CERS6: variants seen among roughly 807,000 people sequenced by gnomAD.
The protein encoded by CERS6 is LAG1 homolog, ceramide synthase 6.
A neutral mutation model predicts 56.8 loss-of-function variants in CERS6; 26 were observed. That is an observed-to-expected ratio of 0.46 (90% CI 0.34 to 0.63). CERS6 has a LOEUF of 0.63. Ranked by LOEUF, CERS6 falls within the 30% of genes least tolerant of loss-of-function variation. CERS6 has a pLI of 0.01. For missense variants in CERS6, 415 were observed against 467.5 expected (o/e 0.89, Z 1.04); for synonymous variants, 164 against 173.3 (o/e 0.95, Z 0.42).
Position 168,491,414 on chromosome 2 carries a change from A to C in CERS6, c.170+34796A>C, listed in dbSNP as rs1308595853. On this transcript the variant is annotated intron_variant, in intron 1 of 9. Transcript: ENST00000305747. ...ATATTTGACTTTATATTTAGGAGTC[A>C]GCAAAACAACTGTAATCCTGCCACT... is the stretch of plus-strand genomic sequence containing the variant. Among the ~76,000 whole-genome samples the C allele has an allele frequency of 2.0e-5, 3 of 152,320 alleles. No individual in the cohort carries two copies. In the East Asian group the frequency reaches 5.8e-4, roughly 29 times the overall value.
At chr2:168,509,256 A>G (rs1484341772) in intron 1 of CERS6, among the ~76,000 whole-genome samples, 1 of 152,242 alleles carries the variant, frequency 6.6e-6, no homozygotes, top group Non-Finnish European at 1.5e-5. Context: ...ATTACTTTTC[A>G]TAACATGACA....
At chr2:168,715,266 C>A in intron 7 of CERS6, 137 bp downstream of exon 7, 1 of 590,588 alleles carries the variant, frequency 1.7e-6, no homozygotes, top group Non-Finnish European at 2.7e-6. Context: ...CAGAGTGTTT[C>A]TTTGTAGGTT....
In CERS6 at chr2:168,526,372, C is replaced by T. The variant is rs140141070; in HGVS notation, c.171-21224C>T. Among the ~76,000 whole-genome samples, 634 of 152,200 alleles carry T rather than the reference C, an allele frequency of 4.2e-3. 7 individuals carry two copies. Among genetic ancestry groups the T allele is most frequent in the South Asian group, 0.018 (87 of 4,822 alleles). The stretch of plus-strand genomic sequence containing the variant: ...TTGAGGGGATATTCTCCTAGAAGCA[C>T]AAGCAGTTCATAGACCAACTGGAAG... On this transcript the variant is annotated intron_variant, in intron 1 of 9. Transcript: ENST00000305747.
intron 4 of CERS6, among the ~76,000 whole-genome samples, chr2:168,689,006 C>T (rs1686428958): frequency 6.6e-6 from 1 of 152,110 alleles, no homozygotes; most frequent in African/African-American, 2.4e-5. Flanking sequence ...TATACCTTGC[C>T]CTCCTGCCTG....
At chr2:168,626,257 C>T (rs1057016279) in intron 3 of CERS6, among the ~76,000 whole-genome samples, 2 of 152,124 alleles carry the variant, frequency 1.3e-5, no homozygotes, top group African/African-American at 4.8e-5. Context: ...AGAGGAAGTA[C>T]TATATAAAAG....
intron 1 of CERS6, among the ~76,000 whole-genome samples, chr2:168,507,504 T>G (rs1473807669): frequency 6.6e-6 from 1 of 152,220 alleles, no homozygotes; most frequent in East Asian, 1.9e-4. Flanking sequence ...AATGATGCTG[T>G]GTTCCTCTAA....
At chr2:168,531,226 A>G (rs1012325783) in intron 1 of CERS6, among the ~76,000 whole-genome samples, 2 of 152,208 alleles carry the variant, frequency 1.3e-5, no homozygotes, top group African/African-American at 4.8e-5. Context: ...ATGGGTTTAC[A>G]TTTCAGCAAG....
chr2:168,484,436 C>A (rs1432703026), intron 1 of CERS6, among the ~76,000 whole-genome samples: 1 of 151,460 alleles, frequency 6.6e-6, no homozygotes, highest in Non-Finnish European at 1.5e-5. Context: ...TTGCCTTGGC[C>A]TCCCAAAGTG....
At chr2:168,751,327 A>T (rs149280099) in intron 8 of CERS6, among the ~76,000 whole-genome samples, 77 of 152,294 alleles carry the variant, frequency 5.1e-4, no homozygotes, top group African/African-American at 1.8e-3. Context: ...CCCAGATATG[A>T]TACCAGAAGA....
chr2:168,532,461 G>A lies in CERS6; in HGVS notation c.171-15135G>A, dbSNP rs140475825. On this transcript the variant is annotated intron_variant, in intron 1 of 9. Coordinates refer to ENST00000305747, the MANE Select transcript of CERS6 (RefSeq NM_203463.3). ...TTTCATGTCTTTTGGTGTTCTCATTGCCTTGAATGCCATCCTTTTTTTTCT... is the reference window on the plus strand; with the variant it reads ...TTTCATGTCTTTTGGTGTTCTCATTACCTTGAATGCCATCCTTTTTTTTCT... Among the ~76,000 whole-genome samples, 981 of 151,940 alleles carry A rather than the reference G, an allele frequency of 6.5e-3. 9 individuals carry two copies. The highest frequency in any genetic ancestry group is 0.021 in the African/African-American group (866 of 41,418).
At chr2:168,545,303 T>C (rs570049673) in intron 1 of CERS6, among the ~76,000 whole-genome samples, 2 of 152,280 alleles carry the variant, frequency 1.3e-5, no homozygotes, top group East Asian at 3.9e-4. Context: ...CCTTTGGACA[T>C]TGCTGTAAAA....
At chr2:168,682,765 G>T (rs1686252237) in intron 4 of CERS6, among the ~76,000 whole-genome samples, 1 of 152,184 alleles carries the variant, frequency 6.6e-6, no homozygotes, top group Non-Finnish European at 1.5e-5. Flanking sequence ...ATGTGGTTCT[G>T]CAGGGGCTCC....
intron 3 of CERS6, among the ~76,000 whole-genome samples, chr2:168,579,295 C>T (rs1178370658): frequency 2.0e-5 from 3 of 152,014 alleles, no homozygotes; most frequent in African/African-American, 7.2e-5. Context: ...GAGAGCAGCC[C>T]TCACTTTTTT....
chr2:168,729,152 A>T (rs146964859), intron 8 of CERS6, among the ~76,000 whole-genome samples: 159 of 152,292 alleles, frequency 1.0e-3, no homozygotes, highest in African/African-American at 3.8e-3. Flanking sequence ...TGCTCAAGGT[A>T]TTACAAGATG....
chr2:168,664,402 T>C (rs1245878046), intron 4 of CERS6, among the ~76,000 whole-genome samples: 1 of 152,072 alleles, frequency 6.6e-6, no homozygotes, highest in African/African-American at 2.4e-5. Context: ...GGGGTCCCAA[T>C]CCAGACCCCA....
At chr2:168,653,842 A>G (rs1685403632) in intron 4 of CERS6, among the ~76,000 whole-genome samples, 1 of 152,228 alleles carries the variant, frequency 6.6e-6, no homozygotes, top group Non-Finnish European at 1.5e-5. Flanking sequence ...ATTTCTCTTT[A>G]ATAAATAGTT....
intron 4 of CERS6, among the ~76,000 whole-genome samples, chr2:168,669,394 G>A (rs1258885069): frequency 6.6e-6 from 1 of 152,176 alleles, no homozygotes; most frequent in Non-Finnish European, 1.5e-5. Flanking sequence ...CTGAGTCACA[G>A]GGCCCTATCT....
chr2:168,731,407 A>G (rs1482432674), intron 8 of CERS6, among the ~76,000 whole-genome samples: 1 of 152,182 alleles, frequency 6.6e-6, no homozygotes, highest in Non-Finnish European at 1.5e-5. Flanking sequence ...ACAAAACAAA[A>G]TAAGGAAAAA....
At position 168,595,897 on chromosome 2, in the gene CERS6, G is replaced by A. The variant is rs78895031; in HGVS notation, c.407+34575G>A. 4.5e-4 allele frequency among the ~76,000 whole-genome samples: 68 copies of A among 151,756 alleles called. No individual in the cohort carries two copies. The East Asian group carries it at 0.01, about 23-fold the overall frequency. ...TTGTTCAATGTAAGTAGACTTAAGCGGACTTCATATTTTCTTCCAGATGTA... is the reference window on the plus strand; with the variant it reads ...TTGTTCAATGTAAGTAGACTTAAGCAGACTTCATATTTTCTTCCAGATGTA... On this transcript the variant is annotated intron_variant, in intron 3 of 9. Coordinates refer to ENST00000305747, the MANE Select transcript of CERS6 (RefSeq NM_203463.3).
Sources: allele counts gnomAD v4.1 joint callset (sites outside exome capture counted in the v4.1 genomes callset), GRCh38; gene constraint gnomAD v4.1.1; transcripts MANE v1.5; gene names NCBI Gene and HGNC (gene_info 2026-07-23, HGNC 2026-07-21).